FGFR1: variants seen among roughly 807,000 people sequenced by gnomAD.
FGFR1 encodes fibroblast growth factor receptor 1, also known as FGFR1/PLAG1 fusion.
A neutral mutation model predicts 93.7 loss-of-function variants in FGFR1; 18 were observed. The observed-to-expected ratio is 0.19, with a 90% CI of 0.13 to 0.28. FGFR1 has a LOEUF of 0.28. Ranked by LOEUF, FGFR1 falls within the 10% of genes least tolerant of loss-of-function variation. The pLI is 1.00. For synonymous variants in FGFR1, 448 were observed against 429.3 expected, an observed-to-expected ratio of 1.04 and a Z score of -0.54; for missense variants, 731 against 1,080.4, an observed-to-expected ratio of 0.68 and a Z score of 4.53.
chr8:38,414,738 AG>A (rs1229527923), intron 14 of FGFR1, 40 bp downstream of exon 14: 4 of 1,613,764 alleles, frequency 2.5e-6, no homozygotes, highest in African/African-American at 1.3e-5. Flanking sequence ...CTTGCTTCTC[AG>A]ATGAAACCAC....
intron 6 of FGFR1, chr8:38,425,828 C>G: frequency 2.2e-6 from 1 of 450,038 alleles, no homozygotes; most frequent in Non-Finnish European, 4.1e-6. Flanking sequence ...GCTCCTATTA[C>G]GCTACATTTA....
intron 1 of FGFR1, among the ~76,000 whole-genome samples, chr8:38,465,067 T>C (rs1835202292): frequency 6.6e-6 from 1 of 152,200 alleles, no homozygotes; most frequent in Non-Finnish European, 1.5e-5. Flanking sequence ...TCTTGCCCTC[T>C]GGAGTCCACC....
chr8:38,463,122 T>C (rs757504743), intron 1 of FGFR1: 46 of 155,462 alleles, frequency 3.0e-4, no homozygotes, highest in Admixed American at 1.2e-3. Flanking sequence ...TCCAGGCTCA[T>C]CTCCATCTCA....
intron 2 of FGFR1, among the ~76,000 whole-genome samples, chr8:38,449,113 AAAAC>A (rs1830285571): frequency 6.6e-6 from 1 of 152,100 alleles, no homozygotes; most frequent in Non-Finnish European, 1.5e-5. Context: ...GGAGAAAAAA[AAAAC>A]ACAGAAAAAA....
At chr8:38,437,216 T>G (rs887187965) in intron 2 of FGFR1, among the ~76,000 whole-genome samples, 1 of 152,148 alleles carries the variant, frequency 6.6e-6, no homozygotes, top group African/African-American at 2.4e-5. Context: ...AACCTTGCTA[T>G]TCTTATGACA....
chr8:38,442,387 G>GTGTGTGTGTGT lies in FGFR1; in HGVS notation c.92-12440_92-12439insACACACACACA, dbSNP rs1251814696. Among the ~76,000 whole-genome samples the GTGTGTGTGTGT allele has an allele frequency of 3.3e-5, 5 of 152,154 alleles. No individual in the cohort carries two copies. In the East Asian group the frequency reaches 9.7e-4, roughly 29 times the overall value. On this transcript the variant is annotated intron_variant, in intron 2 of 17. Transcript: ENST00000447712. ...GGTGTGTGTGTGTGTGTGTGTGTGT[G>GTGTGTGTGTGT]TGTGTGTGCAGGGGTCCCACTGCTG... is the stretch of plus-strand genomic sequence containing the variant.
At chr8:38,417,547 A>G in intron 11 of FGFR1, 131 bp from the exon 12 acceptor site, 1 of 851,898 alleles carries the variant, frequency 1.2e-6, no homozygotes, top group South Asian at 1.4e-5. Flanking sequence ...CTTCATCCAA[A>G]CTTGTTTTCT....
chr8:38,468,614 A>T lies in FGFR1; in HGVS notation c.-722T>A, dbSNP rs995668843. ...CCGAGGACGCCGCGCCTGTGGCCGCAAGAGCGCTCCGAGCGCTATGCGCCG... is the reference window on the plus strand; with the variant it reads ...CCGAGGACGCCGCGCCTGTGGCCGCTAGAGCGCTCCGAGCGCTATGCGCCG... On this transcript the variant is annotated 5_prime_UTR_variant, in exon 1 of 18. Transcript: ENST00000447712. 7 of 230,252 alleles carry T rather than the reference A, an allele frequency of 3.0e-5. No individual in the cohort carries two copies. Among genetic ancestry groups the T allele is most frequent in the Non-Finnish European group, 6.0e-5 (7 of 116,066 alleles). The allele number at this position is 230,252 out of a possible 1,614,324, so 14.3% of individuals were successfully genotyped here.
At chr8:38,430,129 A>C in intron 2 of FGFR1, 181 bp from the exon 3 acceptor site, 1 of 625,610 alleles carries the variant, frequency 1.6e-6, no homozygotes, top group Non-Finnish European at 2.7e-6. Flanking sequence ...TCAGTGGGGA[A>C]AACAGCTGGC....
At chr8:38,427,821 G>T in intron 5 of FGFR1, 100 bp downstream of exon 5, 4 of 1,321,168 alleles carry the variant, frequency 3.0e-6, no homozygotes, top group South Asian at 1.2e-5. Context: ...TGTATAGGTG[G>T]AAAGTATTAC....
In FGFR1 at chr8:38,428,057, T is replaced by C. The variant is rs1563504256; in HGVS notation, c.485A>G (p.Glu162Gly). The C allele has an allele frequency of 1.2e-6, 2 of 1,614,264 alleles. No homozygotes were observed. The highest frequency in any genetic ancestry group is 1.7e-6 in the Non-Finnish European group (2 of 1,180,050). ...AGCCGGCACTGCATGCAATTTCTTTTCCATCTTTTCTGGGGATGTCCAATA... is the reference window on the plus strand; with the variant it reads ...AGCCGGCACTGCATGCAATTTCTTTCCCATCTTTTCTGGGGATGTCCAATA... Reference protein sequence around the residue: ...APYWTSPEKMEKKLHAVPAAK... With the variant: ...APYWTSPEKMGKKLHAVPAAK... The change falls in exon 5 of 18, where the codon GAA (glutamate) becomes GGA (glycine). Residue 162 changes from glutamate (E) to glycine (G), a missense_variant. By Grantham distance (98) the Glu-to-Gly change is moderately conservative. Coordinates refer to ENST00000447712, the MANE Select transcript of FGFR1 (RefSeq NM_023110.3).
At chr8:38,441,629 AC>A (rs1328486561) in intron 2 of FGFR1, among the ~76,000 whole-genome samples, 2 of 152,176 alleles carry the variant, frequency 1.3e-5, no homozygotes, top group Admixed American at 6.5e-5. Flanking sequence ...AAGTTCATTC[AC>A]TCATCCAAGA....
At chr8:38,428,462 G>C (rs1182019041) in intron 3 of FGFR1, 27 bp from the exon 4 acceptor site, 1 of 1,579,984 alleles carries the variant, frequency 6.3e-7, no homozygotes, top group Non-Finnish European at 8.6e-7. Flanking sequence ...GGGCACTGAG[G>C]TTCCTCCTAG....
chr8:38,430,050 G>GAGCC (rs1484509707), intron 2 of FGFR1, 102 bp from the exon 3 acceptor site: 23 of 1,192,282 alleles, frequency 1.9e-5, no homozygotes, highest in Non-Finnish European at 2.6e-5. Context: ...TGGCCACACG[G>GAGCC]AGCCGCACCA....
Position 38,457,447 on chromosome 8 carries a change from C to T in FGFR1, c.-1G>A, listed in dbSNP as rs1044448253. 2 of 1,614,058 alleles carry T rather than the reference C, an allele frequency of 1.2e-6. No individual in the cohort carries two copies. Among genetic ancestry groups the T allele is most frequent in the Non-Finnish European group, 1.7e-6 (2 of 1,180,010 alleles). ...AGAGGAGGCACTTCCAGCTCCACAT[C>T]CCAGTTCTGCAGTTAGAGGTTGGTG... On this transcript the variant is annotated 5_prime_UTR_variant, in exon 2 of 18. Coordinates refer to ENST00000447712, the MANE Select transcript of FGFR1 (RefSeq NM_023110.3).
At chr8:38,425,771 A>C (rs891431043) in intron 6 of FGFR1, among the ~76,000 whole-genome samples, 1 of 152,176 alleles carries the variant, frequency 6.6e-6, no homozygotes, top group Non-Finnish European at 1.5e-5. Flanking sequence ...TGAGCATTAC[A>C]GGGCAGGTAT....
At chr8:38,438,296 C>T (rs1826114794) in intron 2 of FGFR1, among the ~76,000 whole-genome samples, 1 of 152,150 alleles carries the variant, frequency 6.6e-6, no homozygotes, top group Non-Finnish European at 1.5e-5. Context: ...AATCCTAGCA[C>T]TTTGGGAGGC....
rs1210327784 is a variant in FGFR1, at chr8:38,419,667, C to A, written c.1150G>T (p.Ala384Ser). ...YLEIIIYCTG[A>S]FLISCMVGSV... ...CCCACCATGCAGGAGATGAGGAAGG[C>A]CCCTGTGCAATAGATGATGATCTCC... is the stretch of plus-strand genomic sequence containing the variant. The change falls in exon 9 of 18, where the codon GCC (alanine) becomes TCC (serine). Residue 384 changes from alanine (A) to serine (S), a missense_variant. Ala to Ser is a moderately conservative substitution (Grantham distance 99, BLOSUM62 1). Around this residue, in one of 10 missense-constraint regions of FGFR1, gnomAD observed 146 missense variants for 173.0 expected, o/e 0.84. Coordinates refer to ENST00000447712, the MANE Select transcript of FGFR1 (RefSeq NM_023110.3). The A allele has an allele frequency of 1.2e-6, 2 of 1,614,120 alleles. No individual in the cohort carries two copies. The highest frequency in any genetic ancestry group is 1.7e-6 in the Non-Finnish European group (2 of 1,180,016).
chr8:38,425,658 G>C (rs774598819), intron 6 of FGFR1, among the ~76,000 whole-genome samples: 9 of 152,228 alleles, frequency 5.9e-5, no homozygotes, highest in Non-Finnish European at 7.3e-5. Context: ...AGTTGGCACA[G>C]GTGTGCAGTT....
Sources: gnomAD v4.1 joint callset for allele counts (sites outside exome capture counted in the v4.1 genomes callset) on GRCh38, gnomAD v4.1.1 for gene constraint, gnomAD v4.1.1 regional missense constraint, MANE v1.5 for transcripts, NCBI Gene and HGNC (gene_info 2026-07-23, HGNC 2026-07-21) for gene names.